RBFOX1: variants seen among roughly 807,000 people sequenced by gnomAD.
RBFOX1 encodes the protein RNA binding protein fox-1 homolog 1.
RBFOX1 carries 8 observed loss-of-function variants against 57.7 expected under a neutral mutation model. The observed-to-expected ratio is 0.14, with a 90% confidence interval of 0.08 to 0.25. RBFOX1 has a LOEUF of 0.25. Among genes scored for constraint, RBFOX1 ranks in the 10% least tolerant of loss-of-function variants. The probability of loss-of-function intolerance (pLI) is 1.00; values close to 1 mark genes in which losing one functional copy is unlikely to be tolerated. For synonymous variants in RBFOX1, 326 were observed against 222.4 expected (o/e 1.47, Z -4.15); for missense variants, 611 against 548.5 (o/e 1.11, Z -1.14).
At chr16:5,868,984 G>A (rs184386197) in intron 4 of RBFOX1, among the ~76,000 whole-genome samples, 4 of 152,128 alleles carry the variant, frequency 2.6e-5, no homozygotes, top group African/African-American at 9.7e-5. Flanking sequence ...AAAAAATTTT[G>A]TGATGTATAG....
At chr16:7,643,002 C>T (rs545173029) in intron 11 of RBFOX1, among the ~76,000 whole-genome samples, 1 of 152,294 alleles carries the variant, frequency 6.6e-6, no homozygotes, top group African/African-American at 2.4e-5. Context: ...AAAAACATAT[C>T]ACTACACATT....
intron 4 of RBFOX1, among the ~76,000 whole-genome samples, chr16:7,499,377 G>A (rs1438899008): frequency 6.6e-6 from 1 of 152,132 alleles, no homozygotes; most frequent in African/African-American, 2.4e-5. Context: ...ACTCAGGCAT[G>A]ACCTCATCTT....
intron 3 of RBFOX1, among the ~76,000 whole-genome samples, chr16:7,035,895 C>T (rs1047674575): frequency 6.6e-6 from 1 of 152,094 alleles, no homozygotes; most frequent in African/African-American, 2.4e-5. Context: ...CACACACACA[C>T]ACACATATAC....
chr16:6,940,907 C>T lies in RBFOX1; in HGVS notation c.-15-111150C>T, dbSNP rs111813509. Among the ~76,000 whole-genome samples, 8 of 145,202 alleles carry T rather than the reference C, an allele frequency of 5.5e-5. No individual in the cohort carries two copies. In the South Asian group the frequency reaches 1.7e-3, roughly 31 times the overall value. On this transcript the variant is annotated intron_variant, in intron 3 of 15. Coordinates refer to ENST00000550418, the MANE Select transcript of RBFOX1 (RefSeq NM_018723.4). Reference sequence around the variant, plus strand: ...TGTGTGTGTTAGAGATGGGGTTTCACTGCTTTAGCCAGGATGGTTTCGATC... The same window carrying T: ...TGTGTGTGTTAGAGATGGGGTTTCATTGCTTTAGCCAGGATGGTTTCGATC...
chr16:6,340,112 T>C (rs2084335665), intron 2 of RBFOX1, among the ~76,000 whole-genome samples: 1 of 152,174 alleles, frequency 6.6e-6, no homozygotes, highest in Admixed American at 6.5e-5. Flanking sequence ...GCAGCCTGAT[T>C]AATACTTAAT....
intron 3 of RBFOX1, chr16:6,704,248 C>T (rs1236302842): frequency 6.6e-6 from 1 of 152,222 alleles, no homozygotes; most frequent in Non-Finnish European, 1.5e-5. Context: ...AGTGGCAGAA[C>T]TGCAAATTGA....
rs571451712 is a variant in RBFOX1, at chr16:7,035,647, A to G, written c.-15-16410A>G. Among the ~76,000 whole-genome samples, 5 of 152,278 alleles carry G rather than the reference A, an allele frequency of 3.3e-5. No individual in the cohort carries two copies. In the East Asian group the frequency reaches 9.6e-4, roughly 29 times the overall value. On this transcript the variant is annotated intron_variant, in intron 3 of 15. Transcript: ENST00000550418. ...GAAGAGCTCTCTGAGCTCGGTCATT[A>G]CTTCCAGTGTCTAATTAATCCTGAT...
chr16:6,528,213 G>C (rs1230776839), intron 2 of RBFOX1, among the ~76,000 whole-genome samples: 1 of 152,052 alleles, frequency 6.6e-6, no homozygotes, highest in African/African-American at 2.4e-5. Flanking sequence ...CATAGTAGTT[G>C]CTCAATAAAT....
intron 4 of RBFOX1, among the ~76,000 whole-genome samples, chr16:7,355,403 C>G (rs547450056): frequency 2.0e-5 from 3 of 152,308 alleles, no homozygotes; most frequent in Non-Finnish European, 4.4e-5. Flanking sequence ...CTACTGCCCC[C>G]TTTCTCCTGT....
At chr16:5,462,168 C>CTTTT (rs1250754827) in intron 1 of RBFOX1, among the ~76,000 whole-genome samples, 15 of 40,702 alleles carry the variant, frequency 3.7e-4, no homozygotes, top group African/African-American at 7.5e-4. Context: ...TTCTTTCTTT[C>CTTTT]TTTTTTTTTT....
intron 2 of RBFOX1, among the ~76,000 whole-genome samples, chr16:6,570,574 C>G (rs1411363874): frequency 6.6e-6 from 1 of 151,900 alleles, no homozygotes; most frequent in Non-Finnish European, 1.5e-5. Flanking sequence ...AAATAAAGAT[C>G]AAGAGCATGT....
At chr16:7,234,630 T>C (rs1254561847) in intron 4 of RBFOX1, among the ~76,000 whole-genome samples, 2 of 149,766 alleles carry the variant, frequency 1.3e-5, no homozygotes, top group Non-Finnish European at 3.0e-5. Flanking sequence ...TTGTATGTGC[T>C]TGTGTATATG....
intron 4 of RBFOX1, among the ~76,000 whole-genome samples, chr16:5,926,286 C>A (rs913689746): frequency 6.6e-6 from 1 of 152,190 alleles, no homozygotes; most frequent in Non-Finnish European, 1.5e-5. Context: ...AACGCTGTAG[C>A]TCTCACTGGA....
chr16:6,972,641 T>G (rs2085839510), intron 3 of RBFOX1, among the ~76,000 whole-genome samples: 1 of 152,026 alleles, frequency 6.6e-6, no homozygotes, highest in African/African-American at 2.4e-5. Context: ...AGCAGAAAAT[T>G]TCAAGAGCAA....
At chr16:6,380,749 A>C (rs1374232400) in intron 2 of RBFOX1, among the ~76,000 whole-genome samples, 2 of 152,286 alleles carry the variant, frequency 1.3e-5, no homozygotes, top group Non-Finnish European at 1.5e-5. Flanking sequence ...CTGGGTCCAA[A>C]GGAGAACACA....
At chr16:5,905,064 C>CTTTTTT (rs57349384) in intron 4 of RBFOX1, among the ~76,000 whole-genome samples, 13 of 78,466 alleles carry the variant, frequency 1.7e-4, no homozygotes, top group African/African-American at 5.8e-4. Context: ...ATGACTGGTG[C>CTTTTTT]TTTTTTTTTT....
intron 3 of RBFOX1, among the ~76,000 whole-genome samples, chr16:6,784,461 T>A (rs1169500779): frequency 1.3e-5 from 2 of 152,132 alleles, no homozygotes; most frequent in Non-Finnish European, 2.9e-5. Context: ...CTGTTTGATT[T>A]TTTTGTTATT....
chr16:6,782,182 T>C (rs2081140550), intron 3 of RBFOX1, among the ~76,000 whole-genome samples: 1 of 152,164 alleles, frequency 6.6e-6, no homozygotes, highest in Non-Finnish European at 1.5e-5. Context: ...AATTGTTGTA[T>C]TTTCAGTAGA....
intron 4 of RBFOX1, among the ~76,000 whole-genome samples, chr16:5,975,727 G>A (rs1231887273): frequency 2.0e-5 from 3 of 152,172 alleles, no homozygotes; most frequent in East Asian, 3.8e-4. Context: ...AATGCTTGGG[G>A]TTGCAATCTA....
Sources: gnomAD v4.1 joint callset for allele counts (sites outside exome capture counted in the v4.1 genomes callset) on GRCh38, gnomAD v4.1.1 for gene constraint, MANE v1.5 for transcripts, NCBI Gene and HGNC (gene_info 2026-07-23, HGNC 2026-07-21) for gene names.